The following HS3ST1 variants were observed in gnomAD, a reference collection of about 807,000 sequenced individuals.
HS3ST1 encodes heparan sulfate glucosamine 3-O-sulfotransferase 1.
Under a neutral mutation model 20.7 loss-of-function variants are expected in HS3ST1, and 8 were observed. The ratio of observed to expected loss-of-function variants is 0.39; its 90% CI spans 0.23 to 0.70. The LOEUF (loss-of-function observed/expected upper bound fraction) is 0.70, where lower values mean the gene tolerates loss of function less well. Among genes scored for constraint, HS3ST1 ranks in the 30% least tolerant of loss-of-function variants. The probability of loss-of-function intolerance (pLI) is 0.46; values close to 1 mark genes in which losing one functional copy is unlikely to be tolerated. For synonymous variants in HS3ST1, 205 were observed against 190.4 expected (o/e 1.08, Z -0.63); for missense variants, 436 against 423.4 (o/e 1.03, Z -0.26).
intron 1 of HS3ST1, among the ~76,000 whole-genome samples, chr4:11,420,590 A>G (rs1718908286): frequency 6.6e-6 from 1 of 152,238 alleles, no homozygotes; most frequent in Admixed American, 6.5e-5. Flanking sequence ...TAGCGGAACG[A>G]ACACTACGCT....
At chr4:11,425,035 C>A (rs1017609979) in intron 1 of HS3ST1, among the ~76,000 whole-genome samples, 1 of 152,136 alleles carries the variant, frequency 6.6e-6, no homozygotes, top group Non-Finnish European at 1.5e-5. Flanking sequence ...ATCCTTTGTA[C>A]CTTTAGAAAA....
intron 1 of HS3ST1, among the ~76,000 whole-genome samples, chr4:11,423,650 A>T (rs1041231272): frequency 6.6e-5 from 10 of 152,204 alleles, no homozygotes; most frequent in African/African-American, 2.4e-4. Flanking sequence ...GCAGAACAAT[A>T]TGCGGTACAT....
chr4:11,420,322 G>A (rs1473456770), intron 1 of HS3ST1, among the ~76,000 whole-genome samples: 1 of 152,196 alleles, frequency 6.6e-6, no homozygotes, highest in Non-Finnish European at 1.5e-5. Flanking sequence ...TCCTCAGAAC[G>A]TCATGCTCCA....
chr4:11,415,806 G>C (rs1476936730), intron 1 of HS3ST1, among the ~76,000 whole-genome samples: 1 of 152,208 alleles, frequency 6.6e-6, no homozygotes, highest in Non-Finnish European at 1.5e-5. Context: ...AGAAAAAGGA[G>C]CAGGTGATGA....
At chr4:11,407,224 C>A (rs555941567) in intron 1 of HS3ST1, among the ~76,000 whole-genome samples, 1 of 152,068 alleles carries the variant, frequency 6.6e-6, no homozygotes, top group African/African-American at 2.4e-5. Flanking sequence ...TAGAAAGGAC[C>A]GTAAGTCAGG....
At chr4:11,410,533 G>T (rs1281997359) in intron 1 of HS3ST1, among the ~76,000 whole-genome samples, 1 of 152,326 alleles carries the variant, frequency 6.6e-6, no homozygotes, top group African/African-American at 2.4e-5. Context: ...GGCAGGTGCT[G>T]GTGTGGATGA....
At chr4:11,412,086 C>G (rs573668134) in intron 1 of HS3ST1, among the ~76,000 whole-genome samples, 1 of 152,300 alleles carries the variant, frequency 6.6e-6, no homozygotes, top group East Asian at 1.9e-4. Flanking sequence ...ACTTCCATAT[C>G]CCAATAGCTG....
upstream of HS3ST1, among the ~76,000 whole-genome samples, chr4:11,431,462 T>C (rs1336174171): frequency 6.6e-6 from 1 of 152,190 alleles, no homozygotes; most frequent in African/African-American, 2.4e-5. Context: ...TCTGTACTGC[T>C]AATATTTTAA....
At chr4:11,415,880 A>G (rs1014865248) in intron 1 of HS3ST1, among the ~76,000 whole-genome samples, 10 of 152,202 alleles carry the variant, frequency 6.6e-5, no homozygotes, top group African/African-American at 2.4e-4. Context: ...ATGTCACCAA[A>G]TGACCCAATG....
Position 11,399,764 on chromosome 4 carries a change from G to A in HS3ST1, c.242C>T (p.Ala81Val), listed in dbSNP as rs762454446. 1.9e-6 allele frequency: 3 copies of A among 1,613,706 alleles called. No individual in the cohort carries two copies. The highest frequency in any genetic ancestry group is 1.3e-5 in the African/African-American group (1 of 75,070). The change falls in exon 2 of 2, where the codon GCG (alanine) becomes GTG (valine). Residue 81 changes from alanine to valine, a missense_variant. Ala to Val is a moderately conservative substitution (Grantham distance 64, BLOSUM62 0). Coordinates refer to ENST00000002596, the MANE Select transcript of HS3ST1 (RefSeq NM_005114.4). This position sits in a 1 kb window ranked among gnomAD's most constrained non-coding sequence, Gnocchi z 5.1. ...LEMLSLHPDV[A>V]AAENEVHFFD... Reference sequence around the variant, plus strand: ...GAAGTGGACCTCGTTCTCCGCGGCCGCCACGTCGGGGTGCAGGCTGAGCAT... The same window carrying A: ...GAAGTGGACCTCGTTCTCCGCGGCCACCACGTCGGGGTGCAGGCTGAGCAT...
intron 1 of HS3ST1, 76 bp from the exon 2 acceptor site, chr4:11,400,189 T>C: frequency 7.9e-7 from 1 of 1,259,486 alleles, no homozygotes; most frequent in Non-Finnish European, 1.0e-6. Context: ...GTAGCCACTC[T>C]GTAGTGAGGC....
In HS3ST1 at chr4:11,421,062, C is replaced by T. The variant is rs532267489; in HGVS notation, c.-109+7637G>A. ...AACATTATTTGTTGTCTGTCTGAAA[C>T]TCAAATTGAATTAGGTGTTCCGTAT... On this transcript the variant is annotated intron_variant, in intron 1 of 1. Transcript: ENST00000002596. Among the ~76,000 whole-genome samples, 24 of 152,268 alleles carry T rather than the reference C, an allele frequency of 1.6e-4. No individual in the cohort carries two copies. In the South Asian group the frequency reaches 4.8e-3, roughly 30 times the overall value.
rs1250084199 is a variant in HS3ST1, at chr4:11,428,826, G to C, written c.-236C>G. On this transcript the variant is annotated 5_prime_UTR_variant, in exon 1 of 2. Transcript: ENST00000002596. ...TGGATGGCCCGGGGCAGGCGGGCGG[G>C]GAGAAGGCGCAGGCACCCACTGAGA... is the stretch of plus-strand genomic sequence containing the variant. The C allele has an allele frequency of 1.3e-5, 2 of 152,782 alleles. No homozygotes were observed. The highest frequency in any genetic ancestry group is 1.3e-4 in the Admixed American group (2 of 15,292). The allele number at this position is 152,782 out of a possible 1,614,324, so 9.5% of individuals were successfully genotyped here.
At chr4:11,434,158 A>G (rs564239575), upstream of HS3ST1, among the ~76,000 whole-genome samples, 1 of 152,338 alleles carries the variant, frequency 6.6e-6, no homozygotes, top group African/African-American at 2.4e-5. Context: ...CTTTCCATAG[A>G]CTTTGGAACA....
upstream of HS3ST1, among the ~76,000 whole-genome samples, chr4:11,430,686 G>T (rs1203331698): frequency 6.6e-6 from 1 of 152,144 alleles, no homozygotes; most frequent in Admixed American, 6.5e-5. Context: ...GCCAAAGGCA[G>T]GTTACTCACC....
At chr4:11,419,205 G>A (rs1171751684) in intron 1 of HS3ST1, among the ~76,000 whole-genome samples, 3 of 151,242 alleles carry the variant, frequency 2.0e-5, no homozygotes, top group African/African-American at 7.3e-5. Flanking sequence ...TCCTCTCCTT[G>A]TACTTTTTCT....
At chr4:11,411,638 A>C (rs953678018) in intron 1 of HS3ST1, among the ~76,000 whole-genome samples, 2 of 152,218 alleles carry the variant, frequency 1.3e-5, no homozygotes, top group African/African-American at 2.4e-5. Flanking sequence ...ATCTCTTATT[A>C]TAATTACACT....
upstream of HS3ST1, among the ~76,000 whole-genome samples, chr4:11,432,731 G>T (rs1023727247): frequency 5.3e-5 from 8 of 152,210 alleles, no homozygotes; most frequent in East Asian, 1.9e-4. Context: ...TTGTGCTGAG[G>T]TCTAGAATTG....
In HS3ST1 at chr4:11,398,480, T is replaced by A. The variant is rs1718206421; in HGVS notation, c.*602A>T. ...CCTCTAGCCAGTCACTAACTGCTTCTCCATCCTGAATATTGCTTTGTTTAC... is the reference window on the plus strand; with the variant it reads ...CCTCTAGCCAGTCACTAACTGCTTCACCATCCTGAATATTGCTTTGTTTAC... On this transcript the variant is annotated 3_prime_UTR_variant, in exon 2 of 2. Transcript: ENST00000002596. 6.6e-6 allele frequency: 1 copy of A among 152,260 alleles called. No individual in the cohort carries two copies. The highest frequency in any genetic ancestry group is 2.4e-5 in the African/African-American group (1 of 41,446). The allele number at this position is 152,260 out of a possible 1,614,324, so 9.4% of individuals were successfully genotyped here. A position where few individuals can be genotyped will look rare whatever the true frequency, so the allele number is the denominator to read the frequency against.
Sources: gnomAD v4.1 joint callset for allele counts (sites outside exome capture counted in the v4.1 genomes callset) on GRCh38, gnomAD v4.1.1 for gene constraint, Gnocchi (gnomAD v3.1) non-coding constraint, MANE v1.5 for transcripts, NCBI Gene and HGNC (gene_info 2026-07-23, HGNC 2026-07-21) for gene names.